PRICKLE1: variants seen among roughly 807,000 people sequenced by gnomAD.
PRICKLE1 encodes prickle planar cell polarity protein 1, also known as prickle-like protein 1.
PRICKLE1 carries 14 observed loss-of-function variants against 70.2 expected under a neutral mutation model. The observed-to-expected ratio is 0.20, with a 90% CI of 0.13 to 0.31. The LOEUF (loss-of-function observed/expected upper bound fraction) is 0.31, where lower values mean the gene tolerates loss of function less well. PRICKLE1 is among the 10% of genes least tolerant of loss of function. The pLI is 1.00. For missense variants in PRICKLE1, 821 were observed against 1,026.2 expected (o/e 0.80, Z 2.73); for synonymous variants, 357 against 379.9 (o/e 0.94, Z 0.70).
chr12:42,536,112 T>C (rs575624731), intron 1 of PRICKLE1, among the ~76,000 whole-genome samples: 43 of 152,188 alleles, frequency 2.8e-4, no homozygotes, highest in African/African-American at 1.0e-3. Context: ...GATGAAACGC[T>C]CAAATGTGCA....
At chr12:42,511,328 G>A (rs963612965) in intron 1 of PRICKLE1, among the ~76,000 whole-genome samples, 4 of 152,224 alleles carry the variant, frequency 2.6e-5, no homozygotes, top group Non-Finnish European at 5.9e-5. Flanking sequence ...CGTAATTAGA[G>A]AGAGGGAAAG....
At chr12:42,547,786 G>A (rs1940239414) in intron 1 of PRICKLE1, among the ~76,000 whole-genome samples, 1 of 152,150 alleles carries the variant, frequency 6.6e-6, no homozygotes, top group African/African-American at 2.4e-5. Flanking sequence ...ATTTACGAGA[G>A]GAAAATCAAG....
In PRICKLE1 at chr12:42,472,428, A is replaced by G. The variant is rs1197477093; in HGVS notation, c.89T>C (p.Leu30Ser). The G allele has an allele frequency of 6.2e-7, 1 of 1,614,162 alleles. No homozygotes were observed. Among genetic ancestry groups the G allele is most frequent in the South Asian group, 1.1e-5 (1 of 91,080 alleles). ...CGGGGGGACCCAGGCGTACTCCTCC[A>G]ATGCACAGCCAGAGTCATCATCTGA... ...STSDDDSGCALEEYAWVPPGL... is the reference protein window; with the variant it reads ...STSDDDSGCASEEYAWVPPGL... The change falls in exon 2 of 8, where the codon TTG (leucine) becomes TCG (serine). Residue 30 changes from leucine (L) to serine (S), a missense_variant. Coordinates refer to ENST00000345127, the MANE Select transcript of PRICKLE1 (RefSeq NM_153026.3).
At chr12:42,550,270 C>T (rs1788162141) in intron 1 of PRICKLE1, 1 of 152,456 alleles carries the variant, frequency 6.6e-6, no homozygotes, top group Non-Finnish European at 1.5e-5. Context: ...GAGGTCGAGG[C>T]TGCAGTGAGC....
At chr12:42,465,492 A>G in intron 6 of PRICKLE1, 2 of 546,950 alleles carry the variant, frequency 3.7e-6, no homozygotes, top group South Asian at 4.4e-5. Context: ...GGTCATTCGC[A>G]GATGTGCAGA....
chr12:42,582,261 A>C (rs921826769), intron 1 of PRICKLE1, among the ~76,000 whole-genome samples: 6 of 152,226 alleles, frequency 3.9e-5, no homozygotes, highest in Admixed American at 3.3e-4. Flanking sequence ...AAAGCAATTC[A>C]GAACTAGGTG....
intron 1 of PRICKLE1, among the ~76,000 whole-genome samples, chr12:42,529,844 T>C (rs1339935753): frequency 1.3e-5 from 2 of 151,766 alleles, no homozygotes; most frequent in African/African-American, 4.8e-5. Flanking sequence ...CCAAGATTGC[T>C]CCACTCACTA....
chr12:42,540,692 A>G (rs1940096317), intron 1 of PRICKLE1, among the ~76,000 whole-genome samples: 1 of 152,030 alleles, frequency 6.6e-6, no homozygotes, highest in African/African-American at 2.4e-5. Flanking sequence ...CCTCCCAAGT[A>G]GCTGAGAATA....
rs1320990127 is a variant in PRICKLE1, at chr12:42,457,759, A to G, written c.*2050T>C. 1 of 152,244 alleles carries G rather than the reference A, an allele frequency of 6.6e-6. No homozygotes were observed. Among genetic ancestry groups the G allele is most frequent in the Non-Finnish European group, 1.5e-5 (1 of 68,054 alleles). The allele number at this position is 152,244 out of a possible 1,614,324, so 9.4% of individuals were successfully genotyped here. On this transcript the variant is annotated 3_prime_UTR_variant, in exon 8 of 8. Transcript: ENST00000345127. ...ATACAAAGGGAAAAAAGCATGTCAC[A>G]GCACATATAGGTCACTACCACTTTT...
At chr12:42,524,993 T>C (rs1346142615) in intron 1 of PRICKLE1, 1 of 152,200 alleles carries the variant, frequency 6.6e-6, no homozygotes, top group East Asian at 1.9e-4. Flanking sequence ...TGTATGCTAA[T>C]GAGATGACTG....
chr12:42,478,581 T>C (rs902403302), intron 1 of PRICKLE1, among the ~76,000 whole-genome samples: 1 of 152,184 alleles, frequency 6.6e-6, no homozygotes. Flanking sequence ...AGCAGGTTCA[T>C]GAGTTCTTTG....
chr12:42,575,706 A>T (rs972094141), intron 1 of PRICKLE1, among the ~76,000 whole-genome samples: 5 of 152,080 alleles, frequency 3.3e-5, no homozygotes, highest in African/African-American at 1.2e-4. Context: ...AAAAAAATAA[A>T]AAAAAAAATA....
chr12:42,469,021 C>A (rs1301931959), intron 4 of PRICKLE1, among the ~76,000 whole-genome samples, 192 bp from the exon 5 acceptor site: 1 of 152,196 alleles, frequency 6.6e-6, no homozygotes, highest in African/African-American at 2.4e-5. Flanking sequence ...CTCAGACATA[C>A]TACAACTATT....
At chr12:42,490,062 G>C (rs1939067751) in intron 1 of PRICKLE1, 1 of 152,140 alleles carries the variant, frequency 6.6e-6, no homozygotes, top group South Asian at 2.1e-4. Context: ...ACACAAAAAA[G>C]TGAGGAAAAT....
intron 1 of PRICKLE1, among the ~76,000 whole-genome samples, chr12:42,568,901 G>C (rs1940664404): frequency 6.6e-6 from 1 of 151,952 alleles, no homozygotes; most frequent in Non-Finnish European, 1.5e-5. Context: ...ATAGAAAAAT[G>C]ATAAGCAGAA....
chr12:42,491,560 G>T (rs1239672863), intron 1 of PRICKLE1, among the ~76,000 whole-genome samples: 2 of 151,742 alleles, frequency 1.3e-5, no homozygotes, highest in African/African-American at 4.8e-5. Flanking sequence ...CCTCAAGAAA[G>T]TAAAAAATTA....
chr12:42,482,542 T>C (rs1465212863), intron 1 of PRICKLE1, among the ~76,000 whole-genome samples: 1 of 152,182 alleles, frequency 6.6e-6, no homozygotes, highest in Non-Finnish European at 1.5e-5. Flanking sequence ...ACACACAGAC[T>C]CAGGTTTCGC....
intron 1 of PRICKLE1, among the ~76,000 whole-genome samples, chr12:42,480,749 GT>G (rs1566093694): frequency 6.6e-6 from 1 of 152,166 alleles, no homozygotes; most frequent in Admixed American, 6.5e-5. Context: ...AGAGTGGACG[GT>G]TTTGCTAGAA....
rs1346255030 is a variant in PRICKLE1, at chr12:42,460,378, A to C, written c.1927T>G (p.Tyr643Asp). ...GGAGGCTGCCGGATTTCAATGTCAT[A>C]GTTCCCATTGTCAATGACATCATCA... The part of the protein sequence containing the change: ...FSDDVIDNGN[Y>D]DIEIRQPPMS... The change falls in exon 8 of 8, where the codon TAT (tyrosine) becomes GAT (aspartate). Residue 643 changes from tyrosine to aspartate, a missense_variant. Transcript: ENST00000345127. 3.7e-6 allele frequency: 6 copies of C among 1,614,008 alleles called. No homozygotes were observed. The highest frequency in any genetic ancestry group is 1.3e-5 in the African/African-American group (1 of 75,004).
Sources: gnomAD v4.1 joint callset for allele counts (sites outside exome capture counted in the v4.1 genomes callset) on GRCh38, gnomAD v4.1.1 for gene constraint, MANE v1.5 for transcripts, NCBI Gene and HGNC (gene_info 2026-07-23, HGNC 2026-07-21) for gene names.